Variants in NADK observed in about 807,000 individuals in gnomAD.
The protein encoded by NADK is NAD kinase, also known as poly(P)/ATP NAD kinase.
In NADK, 22 loss-of-function variants were observed where a neutral mutation model predicts 49.8. The ratio of observed to expected loss-of-function variants is 0.44; its 90% CI spans 0.32 to 0.63. NADK has a LOEUF of 0.63. Ranked by LOEUF, NADK falls within the 30% of genes least tolerant of loss-of-function variation. The pLI is 0.06. For missense variants in NADK, 438 were observed against 609.4 expected, an observed-to-expected ratio of 0.72 and a Z score of 2.96; for synonymous variants, 268 against 253.7, an observed-to-expected ratio of 1.06 and a Z score of -0.54.
At chr1:1,753,100 A>T in intron 11 of NADK, 40 bp from the exon 12 acceptor site, 1 of 1,581,682 alleles carries the variant, frequency 6.3e-7, no homozygotes. Flanking sequence ...GGGCTTCCAG[A>T]AAGGCCCACC....
intron 1 of NADK, among the ~76,000 whole-genome samples, chr1:1,776,036 C>A (rs966172109): frequency 2.0e-5 from 3 of 152,228 alleles, no homozygotes; most frequent in African/African-American, 4.8e-5. Flanking sequence ...ACAGCCTCCC[C>A]CCAAGTGCTG....
chr1:1,771,055 A>T (rs11806783), intron 1 of NADK, among the ~76,000 whole-genome samples: 54,122 of 131,896 alleles, frequency 0.41, 12,045 homozygotes, highest in Admixed American at 0.52. Flanking sequence ...AAAAAAAAAA[A>T]ATATATATAT....
At chr1:1,762,273 C>T (rs1645749046) in intron 2 of NADK, among the ~76,000 whole-genome samples, 1 of 152,188 alleles carries the variant, frequency 6.6e-6, no homozygotes, top group Non-Finnish European at 1.5e-5. Context: ...ATGACCCAAG[C>T]CGGGGAGAGC....
intron 1 of NADK, among the ~76,000 whole-genome samples, chr1:1,775,529 C>T (rs1011257719): frequency 2.6e-5 from 4 of 152,176 alleles, no homozygotes; most frequent in Non-Finnish European, 5.9e-5. Flanking sequence ...AGCCATGTGA[C>T]CACAGGGCTT....
chr1:1,778,541 C>A (rs1386229993), upstream of NADK: 4 of 150,926 alleles, frequency 2.7e-5, no homozygotes, highest in Non-Finnish European at 5.9e-5. The surrounding 1 kb of genome is among the most constrained non-coding windows in gnomAD (Gnocchi z 4.9). Flanking sequence ...CCGGGTCCCA[C>A]CGGCGCCGGG....
chr1:1,764,238 T>C lies in NADK; in HGVS notation c.179+990A>G, dbSNP rs1480760378. Among the ~76,000 whole-genome samples, 5 of 152,346 alleles carry C rather than the reference T, an allele frequency of 3.3e-5. No individual in the cohort carries two copies. In the East Asian group the frequency reaches 7.7e-4, roughly 23 times the overall value. On this transcript the variant is annotated intron_variant, in intron 2 of 11. Coordinates refer to ENST00000341426, the MANE Select transcript of NADK (RefSeq NM_023018.5). The stretch of plus-strand genomic sequence containing the variant: ...ACCAAAAAGCCCCCCTTGCATTTGA[T>C]AGTCGTGATCCTTGTTAGGCAGCGC...
intron 1 of NADK, among the ~76,000 whole-genome samples, chr1:1,768,171 CAA>C (rs1186857370): frequency 7.4e-4 from 71 of 95,512 alleles, no homozygotes; most frequent in African/African-American, 1.0e-3. Flanking sequence ...AACTCCGTCT[CAA>C]AAAAAAAAAA....
Position 1,752,936 on chromosome 1 carries a change from C to G in NADK, c.1309G>C (p.Glu437Gln), listed in dbSNP as rs1318007113. The change falls in exon 12 of 12, where the codon GAG (glutamate) becomes CAG (glutamine). Residue 437 changes from glutamate (E) to glutamine (Q), a missense_variant. By Grantham distance (29) the Glu-to-Gln change is conservative. Coordinates refer to ENST00000341426, the MANE Select transcript of NADK (RefSeq NM_023018.5). ...WNVRKKQAHF[E>Q]EEEEEEEEG The stretch of plus-strand genomic sequence containing the variant: ...TCCTCCTCCTCCTCCTCCTCCTCCT[C>G]GAAGTGGGCTTGCTTCTTCCGGACG... The G allele has an allele frequency of 1.9e-6, 3 of 1,601,660 alleles. No individual in the cohort carries two copies. The South Asian group carries it at 3.4e-5, about 18-fold the overall frequency.
At chr1:1,764,224 C>G (rs1296756345) in intron 2 of NADK, among the ~76,000 whole-genome samples, 1 of 152,200 alleles carries the variant, frequency 6.6e-6, no homozygotes, top group African/African-American at 2.4e-5. Flanking sequence ...CCAAAAAGCC[C>G]CCCTTGCATT....
chr1:1,769,980 CAAA>C (rs1645999588), intron 1 of NADK, among the ~76,000 whole-genome samples: 1 of 52,378 alleles, frequency 1.9e-5, no homozygotes, highest in African/African-American at 3.8e-5. Context: ...AAAACAAAAA[CAAA>C]AACAAAAACA....
intron 2 of NADK, among the ~76,000 whole-genome samples, chr1:1,763,360 T>G (rs1418341731): frequency 6.6e-6 from 1 of 152,132 alleles, no homozygotes; most frequent in Admixed American, 6.5e-5. Flanking sequence ...GGCTCACGCC[T>G]GTAATCCCAG....
intron 3 of NADK, among the ~76,000 whole-genome samples, chr1:1,760,546 C>A (rs2100319433): frequency 6.6e-6 from 1 of 152,304 alleles, no homozygotes; most frequent in Non-Finnish European, 1.5e-5. Flanking sequence ...CAGTGGCCGC[C>A]CCCGTATCAC....
chr1:1,752,986 C>T lies in NADK; in HGVS notation c.1259G>A (p.Ser420Asn), dbSNP rs1226795389. The T allele has an allele frequency of 1.2e-6, 2 of 1,604,568 alleles. No individual in the cohort carries two copies. ...GTTCCAATGCAGGCACTGGGCGAGG[C>T]TCTCAAACCAGTCGCTCACGGGGTC... ...VRDPVSDWFE[S>N]LAQCLHWNVR... The change falls in exon 12 of 12, where the codon AGC becomes AAC. Residue 420 changes from serine (S) to asparagine (N), a missense_variant. Transcript: ENST00000341426.
rs773468787 is a variant in NADK, at chr1:1,752,735, T to TA, written c.*168dup. 1.8e-5 allele frequency: 14 copies of TA among 759,378 alleles called. No individual in the cohort carries two copies. The highest frequency in any genetic ancestry group is 5.3e-5 in the African/African-American group (3 of 56,510). The allele number at this position is 759,378 out of a possible 1,614,324, so 47.0% of individuals were successfully genotyped here. On this transcript the variant is annotated 3_prime_UTR_variant, in exon 12 of 12. Transcript: ENST00000341426. ...GAAATGCAAAAAAAGTCAGACATTT[T>TA]AAAAAAACAGCTGATCTGGACAAAA...
intron 2 of NADK, among the ~76,000 whole-genome samples, chr1:1,763,618 C>CAA (rs750600587): frequency 4.0e-4 from 11 of 27,478 alleles, no homozygotes; most frequent in East Asian, 1.5e-3. Flanking sequence ...GACTCCATCT[C>CAA]AAAAAAAAAA....
chr1:1,759,858 G>T (rs1645661156), intron 3 of NADK: 2 of 1,550,800 alleles, frequency 1.3e-6, no homozygotes, highest in Non-Finnish European at 1.7e-6. Context: ...GTGACTGACG[G>T]CTGGTGAAGG....
chr1:1,777,017 A>T (rs1255881163), intron 1 of NADK, among the ~76,000 whole-genome samples: 1 of 152,186 alleles, frequency 6.6e-6, no homozygotes, highest in Non-Finnish European at 1.5e-5. Context: ...ATTTGAGGTT[A>T]CAGTGAGCTA....
chr1:1,764,100 T>G lies in NADK; in HGVS notation c.179+1128A>C, dbSNP rs374052883. 8.5e-5 allele frequency among the ~76,000 whole-genome samples: 13 copies of G among 152,244 alleles called. 1 individual carries two copies. Among genetic ancestry groups the G allele is most frequent in the Admixed American group, 2.6e-4 (4 of 15,290 alleles). On this transcript the variant is annotated intron_variant, in intron 2 of 11. Coordinates refer to ENST00000341426, the MANE Select transcript of NADK (RefSeq NM_023018.5). ...CCTCCTGGCTCAGGCAGCGACTCTG[T>G]AGACAGAAAACGTGGGAGTAGCCTG...
chr1:1,757,457 C>T, intron 3 of NADK, 147 bp from the exon 4 acceptor site: 1 of 687,230 alleles, frequency 1.5e-6, no homozygotes, highest in Non-Finnish European at 2.4e-6. Flanking sequence ...GCTCACAGGG[C>T]CTAGGGTCGC....
Sources: allele counts gnomAD v4.1 joint callset (sites outside exome capture counted in the v4.1 genomes callset), GRCh38; gene constraint gnomAD v4.1.1; non-coding constraint Gnocchi (gnomAD v3.1); transcripts MANE v1.5; gene names NCBI Gene and HGNC (gene_info 2026-07-23, HGNC 2026-07-21).